Variants in SNTG1 observed in about 807,000 individuals in gnomAD.
The protein encoded by SNTG1 is gamma-1-syntrophin.
A neutral mutation model predicts 74.7 loss-of-function variants in SNTG1; 39 were observed. The ratio of observed to expected loss-of-function variants is 0.52; its 90% CI spans 0.40 to 0.68. The LOEUF (loss-of-function observed/expected upper bound fraction) is 0.68, where lower values mean the gene tolerates loss of function less well. Ranked by LOEUF, SNTG1 falls within the 30% of genes least tolerant of loss-of-function variation. The pLI is 0.00. For synonymous variants in SNTG1, 254 were observed against 217.1 expected, an observed-to-expected ratio of 1.17 and a Z score of -1.49; for missense variants, 685 against 609.5, an observed-to-expected ratio of 1.12 and a Z score of -1.30.
intron 1 of SNTG1, among the ~76,000 whole-genome samples, chr8:50,045,875 T>C (rs1381523529): frequency 6.6e-6 from 1 of 152,184 alleles, no homozygotes; most frequent in East Asian, 1.9e-4. Flanking sequence ...CATTGTTCAG[T>C]TGTACTGGCC....
chr8:50,026,703 G>A (rs997296665), intron 1 of SNTG1, among the ~76,000 whole-genome samples: 1 of 147,944 alleles, frequency 6.8e-6, no homozygotes, highest in Non-Finnish European at 1.5e-5. Flanking sequence ...GTGTGTACGT[G>A]TGTGTGTGTG....
intron 2 of SNTG1, among the ~76,000 whole-genome samples, chr8:50,271,952 C>T (rs1272363707): frequency 6.6e-6 from 1 of 151,942 alleles, no homozygotes; most frequent in Admixed American, 6.6e-5. Context: ...TAAAAGAGAC[C>T]CCAGGGAGCT....
chr8:50,075,510 C>G (rs548400603), intron 1 of SNTG1, among the ~76,000 whole-genome samples: 1 of 152,146 alleles, frequency 6.6e-6, no homozygotes, highest in Non-Finnish European at 1.5e-5. Context: ...AGCACCCCGT[C>G]AAAACGGACC....
intron 1 of SNTG1, among the ~76,000 whole-genome samples, chr8:50,104,470 T>C (rs577461320): frequency 6.6e-6 from 1 of 152,142 alleles, no homozygotes; most frequent in Non-Finnish European, 1.5e-5. Flanking sequence ...TTATTAGTCT[T>C]GCTAGCGGTC....
chr8:50,295,463 G>A (rs556053568), intron 2 of SNTG1, among the ~76,000 whole-genome samples: 4 of 152,036 alleles, frequency 2.6e-5, no homozygotes, highest in Non-Finnish European at 4.4e-5. Flanking sequence ...TTTGAAATAC[G>A]ATTTTTTATC....
intron 1 of SNTG1, among the ~76,000 whole-genome samples, chr8:50,093,837 T>C (rs1345815865): frequency 6.6e-6 from 1 of 152,072 alleles, no homozygotes; most frequent in Non-Finnish European, 1.5e-5. Flanking sequence ...AGACATGGGA[T>C]AGGAAGATGA....
intron 2 of SNTG1, among the ~76,000 whole-genome samples, chr8:50,228,151 T>C (rs1452968977): frequency 6.6e-6 from 1 of 151,704 alleles, no homozygotes; most frequent in African/African-American, 2.4e-5. Context: ...AATGTAAGAA[T>C]CAAGAACATT....
intron 1 of SNTG1, among the ~76,000 whole-genome samples, chr8:50,167,873 G>T (rs1164676147): frequency 6.6e-6 from 1 of 150,810 alleles, no homozygotes; most frequent in Non-Finnish European, 1.5e-5. Flanking sequence ...TTTCACTCAA[G>T]TATTATTTTG....
chr8:49,979,924 C>T (rs1171407536), intron 1 of SNTG1, among the ~76,000 whole-genome samples: 1 of 152,210 alleles, frequency 6.6e-6, no homozygotes, highest in Non-Finnish European at 1.5e-5. Context: ...GGTGAAAGAG[C>T]TTGCTGTTGA....
chr8:50,204,677 G>T (rs59222409), intron 2 of SNTG1, among the ~76,000 whole-genome samples: 1 of 151,738 alleles, frequency 6.6e-6, no homozygotes, highest in Non-Finnish European at 1.5e-5. Flanking sequence ...CTGTTAACTC[G>T]TCATTTACAT....
chr8:50,153,520 C>T (rs1465201037), intron 1 of SNTG1, among the ~76,000 whole-genome samples: 1 of 152,104 alleles, frequency 6.6e-6, no homozygotes, highest in Admixed American at 6.5e-5. Context: ...GTTTTTTCCC[C>T]ATCTTTGTGG....
chr8:50,319,403 A>C (rs2090442662), intron 2 of SNTG1, among the ~76,000 whole-genome samples: 1 of 152,136 alleles, frequency 6.6e-6, no homozygotes, highest in East Asian at 1.9e-4. Context: ...AATGCTACTG[A>C]TTTTTGTATG....
intron 2 of SNTG1, among the ~76,000 whole-genome samples, chr8:50,321,123 A>G (rs1472025297): frequency 3.3e-5 from 5 of 152,052 alleles, no homozygotes; most frequent in Non-Finnish European, 5.9e-5. Flanking sequence ...CCAATGTTGA[A>G]AGTGAGGTGT....
chr8:50,758,812 G>T (rs1288930712), intron 18 of SNTG1, among the ~76,000 whole-genome samples: 2 of 152,014 alleles, frequency 1.3e-5, no homozygotes, highest in Non-Finnish European at 2.9e-5. Flanking sequence ...TAGCAGAATG[G>T]TTTATAACCC....
At chr8:50,361,785 A>G (rs750363726) in intron 2 of SNTG1, among the ~76,000 whole-genome samples, 15 of 152,168 alleles carry the variant, frequency 9.9e-5, no homozygotes, top group African/African-American at 3.4e-4. Context: ...GAGATAGTCT[A>G]TTGTTCTTAG....
rs189505371 is a variant in SNTG1, at chr8:50,129,703, C to T, written c.-102-42858C>T. ...TTCCTCAAGATTAAGAACAACCAAA[C>T]ATGACTTCAATCTCATAGTCAACAA... is the stretch of plus-strand genomic sequence containing the variant. On this transcript the variant is annotated intron_variant, in intron 1 of 18. Coordinates refer to ENST00000642720, the MANE Select transcript of SNTG1 (RefSeq NM_018967.5). Among the ~76,000 whole-genome samples the T allele has an allele frequency of 5.9e-5, 9 of 152,246 alleles. No homozygotes were observed. The East Asian group carries it at 1.4e-3, about 23-fold the overall frequency.
chr8:50,679,755 T>A (rs568889841), intron 15 of SNTG1, among the ~76,000 whole-genome samples: 1 of 152,320 alleles, frequency 6.6e-6, no homozygotes, highest in Admixed American at 6.5e-5. Flanking sequence ...AGCAAGTGCT[T>A]GCTTGACACT....
intron 8 of SNTG1, among the ~76,000 whole-genome samples, chr8:50,475,040 A>T (rs977777775): frequency 1.7e-4 from 22 of 132,684 alleles, no homozygotes; most frequent in African/African-American, 6.1e-4. Flanking sequence ...GAACACATGG[A>T]CACAGGAAGG....
chr8:50,644,981 C>T (rs566295364), intron 13 of SNTG1, among the ~76,000 whole-genome samples: 28 of 149,606 alleles, frequency 1.9e-4, no homozygotes, highest in East Asian at 2.0e-4. Flanking sequence ...GTCTTAAACG[C>T]GTAGGCTCAA....
Sources: gnomAD v4.1 joint callset for allele counts (sites outside exome capture counted in the v4.1 genomes callset) on GRCh38, gnomAD v4.1.1 for gene constraint, MANE v1.5 for transcripts, NCBI Gene and HGNC (gene_info 2026-07-23, HGNC 2026-07-21) for gene names.